Variants in CNKSR3 observed in about 807,000 individuals in gnomAD.
CNKSR3 encodes the protein connector enhancer of kinase suppressor of ras 3.
In CNKSR3, 36 loss-of-function variants were observed where a neutral mutation model predicts 67.7. That is an observed-to-expected ratio of 0.53 (90% CI 0.41 to 0.70). The LOEUF is 0.70. Among genes scored for constraint, CNKSR3 ranks in the 30% least tolerant of loss-of-function variants. CNKSR3 has a pLI of 0.00. For missense variants in CNKSR3, 630 were observed against 695.2 expected, an observed-to-expected ratio of 0.91 and a Z score of 1.05; for synonymous variants, 281 against 271.4, an observed-to-expected ratio of 1.04 and a Z score of -0.35.
At chr6:154,467,701 C>T (rs184036823) in intron 1 of CNKSR3, among the ~76,000 whole-genome samples, 2 of 151,966 alleles carry the variant, frequency 1.3e-5, no homozygotes, top group East Asian at 3.9e-4. Flanking sequence ...TATACATATA[C>T]CATATAACTA....
intron 1 of CNKSR3, among the ~76,000 whole-genome samples, chr6:154,461,722 C>A (rs1019683802): frequency 3.3e-5 from 5 of 152,158 alleles, no homozygotes; most frequent in Non-Finnish European, 7.4e-5. Context: ...ATAGTAAGCG[C>A]TACTATTTAA....
intron 1 of CNKSR3, among the ~76,000 whole-genome samples, chr6:154,459,886 T>G (rs1282622569): frequency 1.3e-5 from 2 of 152,374 alleles, no homozygotes; most frequent in East Asian, 1.9e-4. Flanking sequence ...CTGCCCTCAT[T>G]TGAGGTTTCT....
intron 1 of CNKSR3, among the ~76,000 whole-genome samples, chr6:154,483,514 G>A (rs1786607653): frequency 6.6e-6 from 1 of 151,594 alleles, no homozygotes; most frequent in Admixed American, 6.6e-5. Context: ...CATCTGGCTG[G>A]CACTTATCCT....
In CNKSR3 at chr6:154,410,422, C is replaced by T; in HGVS notation, c.1290G>A (p.Arg430=). Residue 430 remains arginine (R), a synonymous_variant, in exon 12 of 13, where the codon CGG becomes CGA. Transcript: ENST00000607772. ...TCCCATCAGCAGGCATGGACAAAGG[C>T]CGTGGCTTGCCTTCAGAGGGACGAG... ...REKTPSYGKP[R]PLSMPADGNW... The T allele has an allele frequency of 1.9e-6, 3 of 1,613,662 alleles. No homozygotes were observed. The highest frequency in any genetic ancestry group is 2.5e-6 in the Non-Finnish European group (3 of 1,179,594).
chr6:154,490,033 CCT>C (rs575832015), intron 1 of CNKSR3, among the ~76,000 whole-genome samples: 73 of 152,320 alleles, frequency 4.8e-4, no homozygotes, highest in African/African-American at 1.6e-3. Flanking sequence ...TCTCCCACTC[CCT>C]GTCAGCCCAA....
chr6:154,461,836 A>G (rs561581028), intron 1 of CNKSR3, among the ~76,000 whole-genome samples: 1 of 152,358 alleles, frequency 6.6e-6, no homozygotes, highest in East Asian at 1.9e-4. Flanking sequence ...GAATTGTGAA[A>G]GGAGAGCATG....
intron 1 of CNKSR3, among the ~76,000 whole-genome samples, chr6:154,460,801 C>T (rs1786063264): frequency 6.6e-6 from 1 of 152,190 alleles, no homozygotes; most frequent in Non-Finnish European, 1.5e-5. Flanking sequence ...TAACTAGCTC[C>T]CCTGCCACAC....
chr6:154,453,300 T>A (rs1302247513), intron 1 of CNKSR3, among the ~76,000 whole-genome samples: 1 of 152,212 alleles, frequency 6.6e-6, no homozygotes, highest in Non-Finnish European at 1.5e-5. Context: ...GAAGTAGCTT[T>A]AGAACAGTAA....
intron 6 of CNKSR3, among the ~76,000 whole-genome samples, chr6:154,428,390 CAT>C (rs1404190857): frequency 1.3e-5 from 2 of 152,198 alleles, no homozygotes; most frequent in African/African-American, 4.8e-5. Context: ...AGAAATAAAA[CAT>C]GTGATCTCTT....
At chr6:154,409,479 TG>T (rs1353606284) in intron 12 of CNKSR3, among the ~76,000 whole-genome samples, 2 of 147,030 alleles carry the variant, frequency 1.4e-5, no homozygotes, top group Non-Finnish European at 3.0e-5. Context: ...AAGAAGGACT[TG>T]GAAGAAAAAA....
At chr6:154,494,907 G>A (rs1786848327) in intron 1 of CNKSR3, among the ~76,000 whole-genome samples, 1 of 152,252 alleles carries the variant, frequency 6.6e-6, no homozygotes, top group African/African-American at 2.4e-5. Flanking sequence ...AGACTTCAGG[G>A]ATTATGCCAA....
In CNKSR3 at chr6:154,394,908, C is replaced by T. The variant is rs917550254; in HGVS notation, c.*11446G>A. 28 of 152,114 alleles carry T rather than the reference C, an allele frequency of 1.8e-4. No individual in the cohort carries two copies. Among genetic ancestry groups the T allele is most frequent in the Admixed American group, 2.0e-4 (3 of 15,260 alleles). The allele number at this position is 152,114 out of a possible 1,614,324, so 9.4% of individuals were successfully genotyped here. A position where few individuals can be genotyped will look rare whatever the true frequency, so the allele number is the denominator to read the frequency against. ...CTTTGTTGCTTATACCTCCAATGGC[C>T]AAATACATTTTCTTTCGTCACAGGA... On this transcript the variant is annotated 3_prime_UTR_variant, in exon 13 of 13. Coordinates refer to ENST00000607772, the MANE Select transcript of CNKSR3 (RefSeq NM_173515.4).
intron 9 of CNKSR3, among the ~76,000 whole-genome samples, chr6:154,416,716 C>T (rs1282153215): frequency 6.6e-6 from 1 of 152,124 alleles, no homozygotes; most frequent in Non-Finnish European, 1.5e-5. Context: ...AAGAATGGAA[C>T]ACAGAGAAAC....
chr6:154,396,388 G>A lies in CNKSR3; in HGVS notation c.*9966C>T, dbSNP rs1050131768. The A allele has an allele frequency of 1.3e-5, 2 of 152,146 alleles. No individual in the cohort carries two copies. The highest frequency in any genetic ancestry group is 6.5e-5 in the Admixed American group (1 of 15,280). 9.4% of individuals were successfully genotyped at this position (152,146 alleles called of 1,614,324 possible). ...ATGTAATAAAATTCTTTATGGAATA[G>A]TCTGCAAAATGCTTTAATATATTAA... is the stretch of plus-strand genomic sequence containing the variant. On this transcript the variant is annotated 3_prime_UTR_variant, in exon 13 of 13. Transcript: ENST00000607772.
chr6:154,440,042 T>C (rs543910168), intron 4 of CNKSR3, among the ~76,000 whole-genome samples: 70 of 152,264 alleles, frequency 4.6e-4, no homozygotes. Flanking sequence ...TCACAACTGG[T>C]ATCAGACTCT....
chr6:154,503,046 G>A (rs1011155091), intron 1 of CNKSR3, among the ~76,000 whole-genome samples: 11 of 152,098 alleles, frequency 7.2e-5, no homozygotes, highest in Non-Finnish European at 1.3e-4. Context: ...CAGTCTCAGC[G>A]CAACTCATAT....
chr6:154,439,419 C>T (rs961155658), intron 4 of CNKSR3, among the ~76,000 whole-genome samples: 20 of 152,182 alleles, frequency 1.3e-4, no homozygotes, highest in African/African-American at 4.8e-4. Context: ...ACCCCCCCTG[C>T]CTTCACTTTC....
intron 1 of CNKSR3, among the ~76,000 whole-genome samples, chr6:154,484,802 A>G (rs1458330865): frequency 6.6e-6 from 1 of 151,274 alleles, no homozygotes; most frequent in Non-Finnish European, 1.5e-5. Flanking sequence ...ACTTGAAAAT[A>G]AAAATCAATT....
intron 12 of CNKSR3, among the ~76,000 whole-genome samples, chr6:154,407,839 G>T (rs1351000947): frequency 2.1e-5 from 1 of 47,420 alleles, no homozygotes; most frequent in African/African-American, 8.3e-5. Context: ...TTAGAATTTA[G>T]AAAATTTTAG....
Sources: allele counts gnomAD v4.1 joint callset (sites outside exome capture counted in the v4.1 genomes callset), GRCh38; gene constraint gnomAD v4.1.1; transcripts MANE v1.5; gene names NCBI Gene and HGNC (gene_info 2026-07-23, HGNC 2026-07-21).